The following KDM4B variants were observed in gnomAD, a reference collection of about 807,000 sequenced individuals.
The protein encoded by KDM4B is lysine-specific demethylase 4B.
In KDM4B, 32 loss-of-function variants were observed where a neutral mutation model predicts 125.2. That is an observed-to-expected ratio of 0.26 (90% CI 0.19 to 0.34). The LOEUF (loss-of-function observed/expected upper bound fraction) is 0.34, where lower values mean the gene tolerates loss of function less well. Ranked by LOEUF, KDM4B falls within the 10% of genes least tolerant of loss-of-function variation. The pLI is 1.00. For missense variants in KDM4B, 1,190 were observed against 1,577.7 expected, an observed-to-expected ratio of 0.75 and a Z score of 4.16; for synonymous variants, 721 against 677.9, an observed-to-expected ratio of 1.06 and a Z score of -0.99.
intron 3 of KDM4B, among the ~76,000 whole-genome samples, chr19:5,034,226 G>A (rs185796959): frequency 6.6e-6 from 1 of 152,332 alleles, no homozygotes; most frequent in South Asian, 2.1e-4. Flanking sequence ...TCGGGTGTGG[G>A]CCTGTTCGAG....
intron 1 of KDM4B, among the ~76,000 whole-genome samples, chr19:4,979,979 C>T (rs922459538): frequency 9.2e-5 from 14 of 152,004 alleles, no homozygotes; most frequent in African/African-American, 3.1e-4. Context: ...GTGGTGCACG[C>T]CTGTAGTCCC....
intron 21 of KDM4B, among the ~76,000 whole-genome samples, chr19:5,146,939 C>CAAAAAAAAAAAAA (rs1182135277): frequency 1.7e-5 from 1 of 60,554 alleles, no homozygotes; most frequent in Non-Finnish European, 2.8e-5. Context: ...ACCCTGTCTC[C>CAAAAAAAAAAAAA]AAAAAAAAAA....
intron 6 of KDM4B, among the ~76,000 whole-genome samples, chr19:5,057,052 G>GTT: frequency 7.0e-6 from 1 of 143,370 alleles, no homozygotes; most frequent in African/African-American, 2.8e-5. Flanking sequence ...GTGTGTGTGT[G>GTT]TGTGTGTGTG....
chr19:5,147,845 G>A (rs374438475), intron 21 of KDM4B, among the ~76,000 whole-genome samples: 8 of 152,048 alleles, frequency 5.3e-5, no homozygotes, highest in East Asian at 1.9e-4. Flanking sequence ...GCAAGCCACC[G>A]TGGAGTGCGC....
At chr19:5,100,149 A>T (rs1469516130) in intron 9 of KDM4B, among the ~76,000 whole-genome samples, 4 of 152,170 alleles carry the variant, frequency 2.6e-5, no homozygotes, top group Admixed American at 2.6e-4. Context: ...TTTGTGTCCC[A>T]AGTGTCCTGA....
At chr19:5,106,155 G>A (rs779558743) in intron 9 of KDM4B, among the ~76,000 whole-genome samples, 33 of 152,188 alleles carry the variant, frequency 2.2e-4, no homozygotes, top group Non-Finnish European at 1.6e-4. Flanking sequence ...CATTGAAAGC[G>A]TCCTGTAGAC....
intron 9 of KDM4B, among the ~76,000 whole-genome samples, chr19:5,104,903 GTGTC>G (rs757291869): frequency 9.2e-5 from 14 of 152,178 alleles, no homozygotes; most frequent in Non-Finnish European, 1.8e-4. Context: ...CCATGTATGA[GTGTC>G]TGGGCTCATT....
intron 1 of KDM4B, among the ~76,000 whole-genome samples, chr19:4,978,724 C>T (rs562544421): frequency 2.6e-5 from 4 of 152,084 alleles, no homozygotes; most frequent in Admixed American, 2.0e-4. Context: ...CTGTGCCTGT[C>T]GCTGGCTCAG....
At chr19:5,000,095 T>C (rs1176692794) in intron 1 of KDM4B, among the ~76,000 whole-genome samples, 5 of 87,074 alleles carry the variant, frequency 5.7e-5, no homozygotes, top group African/African-American at 2.3e-4. Flanking sequence ...CCCACCCACC[T>C]ACCAACCTAT....
At chr19:5,088,317 G>A (rs7245530) in intron 9 of KDM4B, among the ~76,000 whole-genome samples, 10,237 of 152,232 alleles carry the variant, frequency 0.067, 1,115 homozygotes, top group African/African-American at 0.23. Flanking sequence ...GCAAAAACTC[G>A]CTCTGATCAA....
intron 1 of KDM4B, among the ~76,000 whole-genome samples, chr19:5,014,697 C>G (rs1217731106): frequency 6.6e-6 from 1 of 152,190 alleles, no homozygotes; most frequent in East Asian, 1.9e-4. Context: ...GTGTGAGCCA[C>G]TGTACTACTT....
intron 1 of KDM4B, among the ~76,000 whole-genome samples, chr19:4,983,537 G>T (rs762600921): frequency 6.6e-6 from 1 of 152,224 alleles, no homozygotes; most frequent in South Asian, 2.1e-4. Flanking sequence ...GCACTGAACC[G>T]TGGACTGGTC....
chr19:5,114,683 C>T lies in KDM4B; in HGVS notation c.1115+3865C>T, dbSNP rs1006773407. Among the ~76,000 whole-genome samples, 6 of 152,024 alleles carry T rather than the reference C, an allele frequency of 3.9e-5. No individual in the cohort carries two copies. The highest frequency in any genetic ancestry group is 9.7e-5 in the African/African-American group (4 of 41,408). On this transcript the variant is annotated intron_variant, in intron 10 of 22. Coordinates refer to ENST00000159111, the MANE Select transcript of KDM4B (RefSeq NM_015015.3). This position sits in a 1 kb window ranked among gnomAD's most constrained non-coding sequence, Gnocchi z 5.8. ...TGGGCCACTTTGGGTCGGGGGTGGG[C>T]GGCTCTGAGGGCTCAGCCTGGGGCC...
chr19:5,096,402 C>G (rs2038823361), intron 9 of KDM4B, among the ~76,000 whole-genome samples: 1 of 152,158 alleles, frequency 6.6e-6, no homozygotes, highest in Non-Finnish European at 1.5e-5. Context: ...GGGGAATATT[C>G]ACAACCCTAC....
At chr19:5,043,869 C>G (rs1267816027) in intron 5 of KDM4B, among the ~76,000 whole-genome samples, 1 of 138,972 alleles carries the variant, frequency 7.2e-6, no homozygotes, top group Non-Finnish European at 1.5e-5. Context: ...GGGTGTCCAC[C>G]TTATCCCGTG....
rs2035237329 is a variant in KDM4B at position 4,997,423 on chromosome 19, T to C, written c.-108-18834T>C. ...CTGTGGTTCATGAGGACCTGCCATC[T>C]GGGGGCGGCGAGGTGGGCTGGGCTT... On this transcript the variant is annotated intron_variant, in intron 1 of 22. Transcript: ENST00000159111. The surrounding 1 kb of genome is among the most constrained non-coding windows in gnomAD (Gnocchi z 4.2). 6.6e-6 allele frequency among the ~76,000 whole-genome samples: 1 copy of C among 152,094 alleles called. No individual in the cohort carries two copies. Among genetic ancestry groups the C allele is most frequent in the South Asian group, 2.1e-4 (1 of 4,834 alleles).
intron 1 of KDM4B, among the ~76,000 whole-genome samples, chr19:4,975,372 G>A (rs139761642): frequency 4.0e-5 from 6 of 151,568 alleles, no homozygotes; most frequent in Non-Finnish European, 7.4e-5. Flanking sequence ...TTCCTCCAAC[G>A]ACTAAAAAAT....
intron 18 of KDM4B, among the ~76,000 whole-genome samples, chr19:5,139,575 T>C (rs1026897796): frequency 6.6e-6 from 1 of 152,214 alleles, no homozygotes; most frequent in Admixed American, 6.5e-5. Context: ...CCCCTCGTCC[T>C]CACTCACACC....
At chr19:5,092,764 G>A (rs2038737032) in intron 9 of KDM4B, among the ~76,000 whole-genome samples, 1 of 152,164 alleles carries the variant, frequency 6.6e-6, no homozygotes. Context: ...AGAGGAGGGG[G>A]CTCGCAGGGC....
Sources: gnomAD v4.1 joint callset for allele counts (sites outside exome capture counted in the v4.1 genomes callset) on GRCh38, gnomAD v4.1.1 for gene constraint, Gnocchi (gnomAD v3.1) non-coding constraint, MANE v1.5 for transcripts, NCBI Gene and HGNC (gene_info 2026-07-23, HGNC 2026-07-21) for gene names.